DCBLD1: variants seen among roughly 807,000 people sequenced by gnomAD.
DCBLD1 encodes the protein discoidin, CUB and LCCL domain-containing protein 1.
A neutral mutation model predicts 71.5 loss-of-function variants in DCBLD1; 57 were observed. The observed-to-expected ratio is 0.80, with a 90% CI of 0.64 to 0.99. DCBLD1 has a LOEUF of 0.99. Among genes scored for constraint, DCBLD1 ranks in the 50% least tolerant of loss-of-function variants. The pLI is 0.00. For synonymous variants in DCBLD1, 380 were observed against 363.8 expected, an observed-to-expected ratio of 1.04 and a Z score of -0.51; for missense variants, 891 against 923.5, an observed-to-expected ratio of 0.96 and a Z score of 0.46.
intron 1 of DCBLD1, among the ~76,000 whole-genome samples, chr6:117,494,327 C>A (rs941721861): frequency 1.3e-5 from 2 of 152,054 alleles, no homozygotes; most frequent in African/African-American, 4.8e-5. Flanking sequence ...AGAGAAAAGT[C>A]AATATCAATA....
rs1004420395 is a variant in DCBLD1 at position 117,559,738 on chromosome 6, T to G, written c.1616-9882T>G. Among the ~76,000 whole-genome samples the G allele has an allele frequency of 2.6e-5, 4 of 152,044 alleles. No homozygotes were observed. In the East Asian group the frequency reaches 7.7e-4, roughly 29 times the overall value. ...CTTTAAGGTTAGTTATAAAACCACC[T>G]AAAATAAAATACTGATTAACAATGA... On this transcript the variant is annotated intron_variant, in intron 14 of 14. Coordinates refer to the DCBLD1 transcript ENST00000296955.
chr6:117,539,439 C>A, intron 9 of DCBLD1, 60 bp downstream of exon 9: 1 of 1,511,032 alleles, frequency 6.6e-7, no homozygotes, highest in Admixed American at 2.4e-5. Flanking sequence ...TATATATTTT[C>A]ATCAATGTGT....
At chr6:117,551,615 G>A (rs2134087), downstream of DCBLD1, among the ~76,000 whole-genome samples, 89,691 of 151,458 alleles carry the variant, frequency 0.59, 26,713 homozygotes, top group South Asian at 0.73. Flanking sequence ...TCCTGACCTC[G>A]TGATCCGCCA....
chr6:117,484,850 A>T (rs1052292015), intron 1 of DCBLD1: 1 of 152,206 alleles, frequency 6.6e-6, no homozygotes, highest in Admixed American at 6.5e-5. Flanking sequence ...GTGACCCCAT[A>T]AAGCTATACT....
chr6:117,513,825 C>T (rs180919762), intron 2 of DCBLD1, among the ~76,000 whole-genome samples: 122 of 152,310 alleles, frequency 8.0e-4, no homozygotes, highest in Admixed American at 1.6e-3. Flanking sequence ...GAAGTCACCG[C>T]GCTCTCATGT....
At chr6:117,539,114 T>A (rs1779002871) in intron 8 of DCBLD1, 141 bp from the exon 9 acceptor site, 4 of 801,672 alleles carry the variant, frequency 5.0e-6, no homozygotes, top group Non-Finnish European at 3.8e-6. Context: ...GAAGAGATTT[T>A]TAAATGCAAC....
intron 1 of DCBLD1, among the ~76,000 whole-genome samples, chr6:117,495,408 T>A (rs915094677): frequency 6.6e-6 from 1 of 152,208 alleles, no homozygotes; most frequent in Non-Finnish European, 1.5e-5. Context: ...ACATATTGAA[T>A]TTTTACTATA....
intron 1 of DCBLD1, among the ~76,000 whole-genome samples, chr6:117,498,768 C>G (rs1777550140): frequency 6.6e-6 from 1 of 152,110 alleles, no homozygotes; most frequent in Non-Finnish European, 1.5e-5. Flanking sequence ...AGGCAAATCC[C>G]AGACCTTATG....
chr6:117,554,082 T>C (rs1779465343), downstream of DCBLD1, among the ~76,000 whole-genome samples: 1 of 152,234 alleles, frequency 6.6e-6, no homozygotes, highest in Non-Finnish European at 1.5e-5. Context: ...TATGCAGCCT[T>C]CCTGTTCGAT....
intron 5 of DCBLD1, among the ~76,000 whole-genome samples, chr6:117,529,131 G>A (rs1442574560): frequency 6.6e-6 from 1 of 152,160 alleles, no homozygotes; most frequent in Non-Finnish European, 1.5e-5. Context: ...GAGCCACTGT[G>A]CCCAGCCAGG....
intron 2 of DCBLD1, among the ~76,000 whole-genome samples, chr6:117,515,176 T>A (rs1371077176): frequency 6.6e-6 from 1 of 152,002 alleles, no homozygotes; most frequent in Non-Finnish European, 1.5e-5. Context: ...CCCACCACCA[T>A]GCTCGGCTAA....
rs1779359534 is a variant in DCBLD1, at chr6:117,548,597, C to CA, written c.*159dup. On this transcript the variant is annotated 3_prime_UTR_variant, in exon 15 of 15. Coordinates refer to ENST00000338728, the MANE Select transcript of DCBLD1 (RefSeq NM_001366458.2). ...CAGTAGGATCCTAGAGACAACCTGTCATACTGTTTACAAAATTGTGCAGCT... is the reference window on the plus strand; with the variant it reads ...CAGTAGGATCCTAGAGACAACCTGTCAATACTGTTTACAAAATTGTGCAGCT... The CA allele has an allele frequency of 3.5e-6, 5 of 1,441,378 alleles. No individual in the cohort carries two copies. Among genetic ancestry groups the CA allele is most frequent in the Admixed American group, 2.7e-5 (1 of 36,410 alleles). The allele number at this position is 1,441,378 out of a possible 1,614,324, so 89.3% of individuals were successfully genotyped here. A position where few individuals can be genotyped will look rare whatever the true frequency, so the allele number is the denominator to read the frequency against.
At chr6:117,568,745 C>T (rs1321302494) in intron 14 of DCBLD1, among the ~76,000 whole-genome samples, 1 of 152,138 alleles carries the variant, frequency 6.6e-6, no homozygotes, top group Non-Finnish European at 1.5e-5. Flanking sequence ...AAAATCAGTA[C>T]TGTATTACAA....
intron 4 of DCBLD1, among the ~76,000 whole-genome samples, chr6:117,523,851 C>G (rs1778461017): frequency 6.6e-6 from 1 of 152,146 alleles, no homozygotes; most frequent in African/African-American, 2.4e-5. Context: ...TTTAAACAAA[C>G]CAAGTAAACA....
rs1776934189 is a variant in DCBLD1 at position 117,482,788 on chromosome 6, C to T, written c.7C>T (p.Pro3Ser). ...GCTGGCGCCCAGCGGGGTCATGGTG[C>T]CCGGCGCCCGCGGCGGCGGCGCACT... MV[P>S]GARGGGALAR... Residue 3 changes from proline (P) to serine (S), a missense_variant, in exon 1 of 15, where the codon CCC (proline) becomes TCC (serine). Coordinates refer to ENST00000338728, the MANE Select transcript of DCBLD1 (RefSeq NM_001366458.2). The T allele has an allele frequency of 1.8e-6, 2 of 1,142,792 alleles. No homozygotes were observed. The highest frequency in any genetic ancestry group is 4.4e-5 in the East Asian group (1 of 22,984). The allele number at this position is 1,142,792 out of a possible 1,614,324, so 70.8% of individuals were successfully genotyped here.
downstream of DCBLD1, among the ~76,000 whole-genome samples, chr6:117,553,840 G>A (rs867098292): frequency 2.1e-4 from 32 of 152,046 alleles, no homozygotes; most frequent in Admixed American, 1.1e-3. Context: ...AACTAGTATG[G>A]CCTAGTGGTA....
At chr6:117,520,111 T>G (rs973598341) in intron 3 of DCBLD1, among the ~76,000 whole-genome samples, 161 bp downstream of exon 3, 2 of 152,202 alleles carry the variant, frequency 1.3e-5, no homozygotes, top group Non-Finnish European at 2.9e-5. Flanking sequence ...AGGTCTGAAC[T>G]GAATCATATT....
intron 14 of DCBLD1, among the ~76,000 whole-genome samples, chr6:117,559,495 G>A (rs1192091353): frequency 6.6e-6 from 1 of 152,138 alleles, no homozygotes; most frequent in Non-Finnish European, 1.5e-5. Flanking sequence ...CAGCATGGAG[G>A]AGCATAGCCT....
intron 1 of DCBLD1, among the ~76,000 whole-genome samples, chr6:117,498,102 G>A (rs2114401062): frequency 6.6e-6 from 1 of 152,308 alleles, no homozygotes; most frequent in South Asian, 2.1e-4. Flanking sequence ...CAAATGTTCA[G>A]AATTAAAATC....
Sources: allele counts gnomAD v4.1 joint callset (sites outside exome capture counted in the v4.1 genomes callset), GRCh38; gene constraint gnomAD v4.1.1; transcripts MANE v1.5; gene names NCBI Gene and HGNC (gene_info 2026-07-23, HGNC 2026-07-21).